Variants in SGF29 observed in about 807,000 individuals in gnomAD.
SGF29 encodes SAGA-associated factor 29.
SGF29 carries 15 observed loss-of-function variants against 38.1 expected under a neutral mutation model. That is an observed-to-expected ratio of 0.39 (90% confidence interval 0.26 to 0.61). SGF29 has a LOEUF of 0.61. Among genes scored for constraint, SGF29 ranks in the 20% least tolerant of loss-of-function variants. The probability of loss-of-function intolerance (pLI) is 0.49; values close to 1 mark genes in which losing one functional copy is unlikely to be tolerated. For synonymous variants in SGF29, 151 were observed against 160.8 expected (o/e 0.94, Z 0.46); for missense variants, 184 against 394.6 (o/e 0.47, Z 4.52).
chr16:28,591,647 C>T lies in SGF29; in HGVS notation c.823C>T (p.Pro275Ser). 1 of 1,614,126 alleles carries T rather than the reference C, an allele frequency of 6.2e-7. No individual in the cohort carries two copies. Among genetic ancestry groups the T allele is most frequent in the Non-Finnish European group, 8.5e-7 (1 of 1,179,964 alleles). ...CACCTCCTATGCAGATGGCTATTCC[C>T]CTCCCCTCAATGTGGCTCAGAGATA... ...EDTSYADGYS[P>S]PLNVAQRYVV... Residue 275 changes from proline (P) to serine (S), a missense_variant, in exon 10 of 10, where the codon CCT (proline) becomes TCT (serine). By Grantham distance (74) the Pro-to-Ser change is moderately conservative. Coordinates refer to ENST00000317058, the MANE Select transcript of SGF29 (RefSeq NM_138414.3).
chr16:28,556,855 C>G (rs1339431579), intron 1 of SGF29, among the ~76,000 whole-genome samples: 1 of 152,044 alleles, frequency 6.6e-6, no homozygotes, highest in Non-Finnish European at 1.5e-5. Flanking sequence ...CGTGTGTTGC[C>G]CAGGATGGTC....
At chr16:28,562,719 A>G (rs1275551710) in intron 1 of SGF29, among the ~76,000 whole-genome samples, 2 of 151,918 alleles carry the variant, frequency 1.3e-5, no homozygotes, top group Non-Finnish European at 2.9e-5. Flanking sequence ...CCTGGGCAAC[A>G]AGGCAAGACC....
chr16:28,560,960 C>CAA (rs531139717), intron 1 of SGF29, among the ~76,000 whole-genome samples: 41 of 89,196 alleles, frequency 4.6e-4, no homozygotes, highest in Non-Finnish European at 5.8e-4. Flanking sequence ...GACTCTGTCT[C>CAA]AAAAAAAAAA....
chr16:28,581,176 G>C (rs368131101), intron 2 of SGF29, 32 bp downstream of exon 2: 7 of 1,598,938 alleles, frequency 4.4e-6, no homozygotes, highest in Admixed American at 1.7e-5. Context: ...TTCCCAGATG[G>C]GAACATGGGC....
At chr16:28,572,217 C>G (rs1177629235) in intron 1 of SGF29, among the ~76,000 whole-genome samples, 2 of 151,986 alleles carry the variant, frequency 1.3e-5, no homozygotes, top group East Asian at 3.9e-4. Context: ...ACCTTGTGAT[C>G]CACCTGCCTC....
chr16:28,591,502 A>T, intron 9 of SGF29, 88 bp from the exon 10 acceptor site: 1 of 906,356 alleles, frequency 1.1e-6, no homozygotes, highest in Non-Finnish European at 1.9e-6. Context: ...CACGGCCCAG[A>T]GCCTCCTGTG....
chr16:28,589,410 C>T, intron 5 of SGF29: 1 of 501,710 alleles, frequency 2.0e-6, no homozygotes, highest in Non-Finnish European at 3.7e-6. Context: ...CATCTCCTGC[C>T]CCTTCTGGGG....
chr16:28,562,903 CAAAAAAAAAAAA>C (rs753973229), intron 1 of SGF29, among the ~76,000 whole-genome samples: 4 of 50,892 alleles, frequency 7.9e-5, no homozygotes, highest in African/African-American at 3.0e-4. Flanking sequence ...GACCCTGTCT[CAAAAAAAAAAAA>C]AAAAAAAAAA....
rs1297611526 is a variant in SGF29, at chr16:28,591,774, AAC to A, written c.*72_*73del. On this transcript the variant is annotated 3_prime_UTR_variant, in exon 10 of 10. Transcript: ENST00000317058. Reference sequence around the variant, plus strand: ...GACAGCAGAGGACGTGCTGGGATTAAACACATTCCCCCTCTACTCGTCTCCTG... The same window carrying A: ...GACAGCAGAGGACGTGCTGGGATTAAACATTCCCCCTCTACTCGTCTCCTG... 14 of 1,353,378 alleles carry A rather than the reference AAC, an allele frequency of 1.0e-5. No individual in the cohort carries two copies. Among genetic ancestry groups the A allele is most frequent in the Non-Finnish European group, 1.4e-5 (13 of 953,314 alleles). The allele number at this position is 1,353,378 out of a possible 1,614,324, so 83.8% of individuals were successfully genotyped here. A position where few individuals can be genotyped will look rare whatever the true frequency, so the allele number is the denominator to read the frequency against.
chr16:28,563,715 C>CTT (rs11445174), intron 1 of SGF29, among the ~76,000 whole-genome samples: 2,108 of 80,808 alleles, frequency 0.026, 34 homozygotes, highest in Non-Finnish European at 0.032. Context: ...GAGAAACAGA[C>CTT]TTTTTTTTTT....
At chr16:28,570,385 C>G (rs192460088) in intron 1 of SGF29, among the ~76,000 whole-genome samples, 3 of 152,250 alleles carry the variant, frequency 2.0e-5, no homozygotes, top group East Asian at 1.9e-4. Flanking sequence ...TGTTGTTTCT[C>G]TCTTTTAGAA....
At chr16:28,557,966 T>A (rs12919343) in intron 1 of SGF29, among the ~76,000 whole-genome samples, 1 of 78,448 alleles carries the variant, frequency 1.3e-5, no homozygotes, top group Non-Finnish European at 2.4e-5. Flanking sequence ...TCTTTCTCTG[T>A]TTTTTTTTTT....
rs1192528381 is a variant in SGF29, at chr16:28,590,556, T to TCCTC, written c.567-72_567-69dup. On this transcript the variant is annotated intron_variant, in intron 7 of 9. Transcript: ENST00000317058. This position sits in a 1 kb window ranked among gnomAD's most constrained non-coding sequence, Gnocchi z 8.2. ...GGCTGGTTGTGCAGGGAGCACCAGGTCCTCCCCCATCCTCACTCCCCAACA... is the reference window on the plus strand; with the variant it reads ...GGCTGGTTGTGCAGGGAGCACCAGGTCCTCCCTCCCCCATCCTCACTCCCCAACA... 9 of 1,611,846 alleles carry TCCTC rather than the reference T, an allele frequency of 5.6e-6. No homozygotes were observed. Among genetic ancestry groups the TCCTC allele is most frequent in the Non-Finnish European group, 7.6e-6 (9 of 1,179,214 alleles).
chr16:28,565,420 G>A (rs1461790615), intron 1 of SGF29, among the ~76,000 whole-genome samples: 1 of 152,198 alleles, frequency 6.6e-6, no homozygotes, highest in Non-Finnish European at 1.5e-5. Context: ...GAAAGGTCCA[G>A]GAGCTGCCAG....
chr16:28,561,890 A>G (rs1458099668), intron 1 of SGF29, among the ~76,000 whole-genome samples: 1 of 152,184 alleles, frequency 6.6e-6, no homozygotes, highest in African/African-American at 2.4e-5. Context: ...CAGGCTTGGC[A>G]TTTGTTCTCA....
chr16:28,580,784 C>T (rs770001941), intron 1 of SGF29, among the ~76,000 whole-genome samples: 3 of 152,160 alleles, frequency 2.0e-5, no homozygotes, highest in Admixed American at 6.5e-5. Flanking sequence ...TAGGGCCTAG[C>T]GATCCACTCA....
intron 1 of SGF29, among the ~76,000 whole-genome samples, chr16:28,564,740 T>TAC (rs1214787193): frequency 2.0e-3 from 13 of 6,516 alleles, no homozygotes; most frequent in South Asian, 0.014. Flanking sequence ...TATATATGTA[T>TAC]ATATGTATAT....
chr16:28,564,717 G>A (rs867185575), intron 1 of SGF29, among the ~76,000 whole-genome samples: 8 of 61,656 alleles, frequency 1.3e-4, no homozygotes, highest in Admixed American at 2.2e-4. Context: ...ACATATATAT[G>A]TATATATATA....
rs1472580537 is a variant in SGF29, at chr16:28,584,906, C to T, written c.76-7C>T. On this transcript the variant is annotated splice_polypyrimidine_tract_variant and splice_region_variant and intron_variant, in intron 2 of 9. Coordinates refer to ENST00000317058, the MANE Select transcript of SGF29 (RefSeq NM_138414.3). ...ACCGTCATGTCCTGCTGCTCTTTTCCTTACAGGAAGAGCGTTCGCGGAGCG... is the reference window on the plus strand; with the variant it reads ...ACCGTCATGTCCTGCTGCTCTTTTCTTTACAGGAAGAGCGTTCGCGGAGCG... 6.2e-7 allele frequency: 1 copy of T among 1,612,206 alleles called. No individual in the cohort carries two copies. The highest frequency in any genetic ancestry group is 1.7e-5 in the Admixed American group (1 of 59,958).
Sources: gnomAD v4.1 joint callset for allele counts (sites outside exome capture counted in the v4.1 genomes callset) on GRCh38, gnomAD v4.1.1 for gene constraint, Gnocchi (gnomAD v3.1) non-coding constraint, MANE v1.5 for transcripts, NCBI Gene and HGNC (gene_info 2026-07-23, HGNC 2026-07-21) for gene names.